The following CACNA1C variants were observed in gnomAD, a reference collection of about 807,000 sequenced individuals.
The protein encoded by CACNA1C is voltage-dependent L-type calcium channel subunit alpha-1C.
A neutral mutation model predicts 229.0 loss-of-function variants in CACNA1C; 30 were observed. The observed-to-expected ratio is 0.13, with a 90% CI of 0.10 to 0.18. The LOEUF (loss-of-function observed/expected upper bound fraction) is 0.18, where lower values mean the gene tolerates loss of function less well. Among genes scored for constraint, CACNA1C ranks in the 10% least tolerant of loss-of-function variants. The pLI is 1.00. For missense variants in CACNA1C, 1,658 were observed against 2,845.0 expected (o/e 0.58, Z 9.49); for synonymous variants, 1,114 against 1,132.5 (o/e 0.98, Z 0.33).
chr12:2,192,855 C>T (rs565873305), intron 3 of CACNA1C, among the ~76,000 whole-genome samples: 4 of 152,246 alleles, frequency 2.6e-5, no homozygotes, highest in East Asian at 3.9e-4. Flanking sequence ...GGAGAGGGTG[C>T]GCTGAGCCAG....
At chr12:2,176,732 C>T (rs2096656917) in intron 3 of CACNA1C, among the ~76,000 whole-genome samples, 1 of 152,266 alleles carries the variant, frequency 6.6e-6, no homozygotes, top group African/African-American at 2.4e-5. Context: ...AACCTTCCTC[C>T]CCGAGTCTCT....
At chr12:2,437,833 G>A (rs540817598) in intron 3 of CACNA1C, among the ~76,000 whole-genome samples, 1 of 143,906 alleles carries the variant, frequency 6.9e-6, no homozygotes, top group African/African-American at 2.5e-5. Context: ...TAATGGTGGT[G>A]GTAATGATGG....
intron 3 of CACNA1C, among the ~76,000 whole-genome samples, chr12:2,440,849 T>C (rs1281896228): frequency 6.6e-6 from 1 of 152,184 alleles, no homozygotes; most frequent in Non-Finnish European, 1.5e-5. Context: ...AACTCATCGA[T>C]GCGCTGAGAG....
chr12:1,996,618 A>T (rs2040866674), intron 1 of CACNA1C, among the ~76,000 whole-genome samples: 1 of 41,708 alleles, frequency 2.4e-5, no homozygotes, highest in African/African-American at 1.9e-4. Flanking sequence ...TGATGAGCTA[A>T]AAAAAAAAAA....
rs370352261 is a variant in CACNA1C at position 2,088,655 on chromosome 12, C to T, written c.50-26569C>T. Among the ~76,000 whole-genome samples the T allele has an allele frequency of 1.5e-4, 23 of 152,238 alleles. No individual in the cohort carries two copies. In the East Asian group the frequency reaches 4.0e-3, roughly 27 times the overall value. ...TTAGAAAGATGCTTTGCCTCAGATG[C>T]GTTCTCCTTGGTTACTTGCTGACGA... is the stretch of plus-strand genomic sequence containing the variant. On this transcript the variant is annotated intron_variant, in intron 1 of 46. Transcript: ENST00000399655.
chr12:1,989,532 G>A (rs1319008882), intron 1 of CACNA1C, among the ~76,000 whole-genome samples: 2 of 152,218 alleles, frequency 1.3e-5, no homozygotes, highest in African/African-American at 2.4e-5. Flanking sequence ...TGGCCAACAC[G>A]GTGAAACCCT....
chr12:2,371,378 TG>T (rs908843232), intron 3 of CACNA1C, among the ~76,000 whole-genome samples: 7 of 152,146 alleles, frequency 4.6e-5, no homozygotes, highest in African/African-American at 1.7e-4. Flanking sequence ...GAGGCCCAGG[TG>T]GGCAGAAAGA....
At chr12:2,255,670 G>A (rs1319755322) in intron 3 of CACNA1C, among the ~76,000 whole-genome samples, 11 of 152,222 alleles carry the variant, frequency 7.2e-5, no homozygotes, top group African/African-American at 4.8e-5. Flanking sequence ...CTTTCTGGAA[G>A]GAAGGGCAGT....
chr12:2,437,603 C>T (rs1275817184), intron 3 of CACNA1C, among the ~76,000 whole-genome samples: 1 of 152,140 alleles, frequency 6.6e-6, no homozygotes, highest in Non-Finnish European at 1.5e-5. Context: ...CAGGCTCCGA[C>T]TGTTGCTAAT....
At chr12:1,987,732 C>T (rs2038206423) in intron 1 of CACNA1C, among the ~76,000 whole-genome samples, 1 of 152,194 alleles carries the variant, frequency 6.6e-6, no homozygotes, top group South Asian at 2.1e-4. Flanking sequence ...CACACACATA[C>T]AACCCCATCC....
In CACNA1C at chr12:2,348,715, A is replaced by G. The variant is rs1443052484; in HGVS notation, c.478-100261A>G. On this transcript the variant is annotated intron_variant, in intron 3 of 46. Transcript: ENST00000399655. This position sits in a 1 kb window ranked among gnomAD's most constrained non-coding sequence, Gnocchi z 4.7. ...ACCCAGAGTGTGGGGCGCCCTGGAG[A>G]AGGAGCTGGGAATGTCTCGGGGGAA... 2.0e-5 allele frequency among the ~76,000 whole-genome samples: 3 copies of G among 151,972 alleles called. No individual in the cohort carries two copies. The highest frequency in any genetic ancestry group is 4.4e-5 in the Non-Finnish European group (3 of 67,978).
At chr12:2,148,463 TC>T (rs2094926898) in intron 3 of CACNA1C, among the ~76,000 whole-genome samples, 1 of 151,238 alleles carries the variant, frequency 6.6e-6, no homozygotes, top group Non-Finnish European at 1.5e-5. Context: ...GGTCACATCT[TC>T]CCTCTAGCTG....
At chr12:1,998,064 A>G (rs1276198203) in intron 1 of CACNA1C, 18 of 1,219,782 alleles carry the variant, frequency 1.5e-5, no homozygotes, top group Non-Finnish European at 2.1e-5. Context: ...TAGGAATTAT[A>G]TATAACTTCA....
intron 3 of CACNA1C, among the ~76,000 whole-genome samples, chr12:2,226,885 T>C (rs1306212965): frequency 6.6e-6 from 1 of 152,258 alleles, no homozygotes; most frequent in African/African-American, 2.4e-5. Flanking sequence ...ATGAATGCGC[T>C]GGGCAGGCAA....
intron 7 of CACNA1C, among the ~76,000 whole-genome samples, chr12:2,501,830 C>T (rs1372464558): frequency 6.6e-6 from 1 of 152,234 alleles, no homozygotes; most frequent in African/African-American, 2.4e-5. Context: ...ACACAAGGAC[C>T]TTTCACCCCG....
intron 29 of CACNA1C, among the ~76,000 whole-genome samples, chr12:2,617,723 C>T (rs2081324565): frequency 6.6e-6 from 1 of 152,204 alleles, no homozygotes; most frequent in African/African-American, 2.4e-5. Context: ...ATGGAAGGGT[C>T]ATCACCAGCT....
intron 3 of CACNA1C, among the ~76,000 whole-genome samples, chr12:2,294,462 C>A (rs899011874): frequency 1.3e-5 from 2 of 151,548 alleles, no homozygotes; most frequent in East Asian, 2.0e-4. Context: ...CAGAAAGGCC[C>A]TGAGGAGACT....
chr12:2,364,310 T>A (rs951851312), intron 3 of CACNA1C, among the ~76,000 whole-genome samples: 21 of 152,050 alleles, frequency 1.4e-4, no homozygotes, highest in Admixed American at 1.2e-3. Flanking sequence ...TCTCTGAGAG[T>A]TGGTTTTCAC....
At chr12:2,549,857 G>A (rs770535388) in intron 9 of CACNA1C, 86 bp from the exon 10 acceptor site, 40 of 933,182 alleles carry the variant, frequency 4.3e-5, no homozygotes, top group Admixed American at 1.2e-4. Flanking sequence ...TGGGTCTTGC[G>A]GTGGGCGTGT....
Sources: gnomAD v4.1 joint callset for allele counts (sites outside exome capture counted in the v4.1 genomes callset) on GRCh38, gnomAD v4.1.1 for gene constraint, Gnocchi (gnomAD v3.1) non-coding constraint, MANE v1.5 for transcripts, NCBI Gene and HGNC (gene_info 2026-07-23, HGNC 2026-07-21) for gene names.